Variants in CTNND2 observed in about 807,000 individuals in gnomAD.
CTNND2 encodes catenin delta 2, also known as catenin delta-2.
In CTNND2, 22 loss-of-function variants were observed where a neutral mutation model predicts 144.4. That is an observed-to-expected ratio of 0.15 (90% CI 0.11 to 0.22). CTNND2 has a LOEUF of 0.22. Ranked by LOEUF, CTNND2 falls within the 10% of genes least tolerant of loss-of-function variation. CTNND2 has a pLI of 1.00. For synonymous variants in CTNND2, 751 were observed against 695.6 expected (o/e 1.08, Z -1.25); for missense variants, 1,353 against 1,618.8 (o/e 0.84, Z 2.82).
At chr5:11,307,048 A>C (rs1488973271) in intron 9 of CTNND2, among the ~76,000 whole-genome samples, 2 of 151,368 alleles carry the variant, frequency 1.3e-5, no homozygotes, top group African/African-American at 4.9e-5. Flanking sequence ...TGGCCCCCTG[A>C]GGTGGCCATG....
At chr5:11,444,546 A>C (rs186661650) in intron 3 of CTNND2, among the ~76,000 whole-genome samples, 1 of 152,138 alleles carries the variant, frequency 6.6e-6, no homozygotes, top group Non-Finnish European at 1.5e-5. Context: ...TACTAAAAAT[A>C]CAAAAATTAG....
intron 12 of CTNND2, 140 bp downstream of exon 12, chr5:11,159,436 C>T: frequency 1.6e-6 from 1 of 626,154 alleles, no homozygotes; most frequent in Non-Finnish European, 2.6e-6. Context: ...AAATTAACTT[C>T]TTATACTCCG....
chr5:11,779,408 AACAG>A (rs1440189063), intron 1 of CTNND2, among the ~76,000 whole-genome samples: 3 of 152,232 alleles, frequency 2.0e-5, no homozygotes, highest in Non-Finnish European at 4.4e-5. Flanking sequence ...AACAGGCACA[AACAG>A]ACAAACAGGT....
chr5:11,732,162 C>A lies in CTNND2; in HGVS notation c.148G>T (p.Ala50Ser), dbSNP rs754264435. Residue 50 changes from alanine (A) to serine (S), a missense_variant, in exon 2 of 22, where the codon GCC becomes TCC. Coordinates refer to ENST00000304623, the MANE Select transcript of CTNND2 (RefSeq NM_001332.4). ...TGTTCTTTGACTGAGGCGAGGATGG[C>A]AGAGGTGGTTTCTGTTTCAGAGCCA... is the stretch of plus-strand genomic sequence containing the variant. The part of the protein sequence containing the change: ...GDGSETETTS[A>S]ILASVKEQEL... The A allele has an allele frequency of 4.3e-6, 7 of 1,613,644 alleles. No homozygotes were observed. Among genetic ancestry groups the A allele is most frequent in the Admixed American group, 1.7e-5 (1 of 59,978 alleles).
chr5:11,547,913 C>G (rs1026531717), intron 3 of CTNND2, among the ~76,000 whole-genome samples: 5 of 152,158 alleles, frequency 3.3e-5, no homozygotes, highest in Non-Finnish European at 5.9e-5. Flanking sequence ...ACCACTTGCA[C>G]GCCCACACAA....
chr5:11,156,625 T>C (rs1758242089), intron 12 of CTNND2, among the ~76,000 whole-genome samples: 2 of 152,148 alleles, frequency 1.3e-5, no homozygotes, highest in Non-Finnish European at 2.9e-5. Context: ...GGAAAAACAA[T>C]GTCAACATTA....
intron 9 of CTNND2, among the ~76,000 whole-genome samples, chr5:11,241,995 T>TGG (rs944195191): frequency 3.0e-5 from 4 of 132,278 alleles, no homozygotes; most frequent in African/African-American, 1.2e-4. Flanking sequence ...CTGAAGGGGA[T>TGG]GGGGGCCTCC....
chr5:11,219,639 T>C (rs1452736522), intron 10 of CTNND2, among the ~76,000 whole-genome samples: 2 of 152,060 alleles, frequency 1.3e-5, no homozygotes, highest in Non-Finnish European at 2.9e-5. Context: ...AGAGTCCTTA[T>C]AAGAAGAAAG....
chr5:11,415,290 C>T (rs569775107), intron 3 of CTNND2, among the ~76,000 whole-genome samples: 1 of 152,224 alleles, frequency 6.6e-6, no homozygotes, highest in Admixed American at 6.5e-5. Context: ...CTTTCAAAAT[C>T]AAGTCATGGT....
At chr5:11,130,667 C>G (rs1467570729) in intron 12 of CTNND2, among the ~76,000 whole-genome samples, 1 of 152,166 alleles carries the variant, frequency 6.6e-6, no homozygotes, top group East Asian at 1.9e-4. Flanking sequence ...CACAAACACT[C>G]ACGTGCCGCT....
At chr5:11,107,552 T>C (rs1377225895) in intron 14 of CTNND2, among the ~76,000 whole-genome samples, 2 of 152,212 alleles carry the variant, frequency 1.3e-5, no homozygotes, top group Non-Finnish European at 2.9e-5. Flanking sequence ...ACACCTTCAG[T>C]GCAAAGAATT....
At chr5:11,295,966 A>T (rs1447325392) in intron 9 of CTNND2, among the ~76,000 whole-genome samples, 2 of 152,126 alleles carry the variant, frequency 1.3e-5, no homozygotes, top group Non-Finnish European at 2.9e-5. Context: ...TGGCAACAAA[A>T]GCCAAAATTG....
At chr5:11,551,059 A>G (rs115895360) in intron 3 of CTNND2, among the ~76,000 whole-genome samples, 1,548 of 152,220 alleles carry the variant, frequency 0.01, 10 homozygotes, top group Non-Finnish European at 0.015. Flanking sequence ...TGCACTGTGG[A>G]GCAGCCTCCC....
At chr5:11,479,729 T>G (rs1768070821) in intron 3 of CTNND2, among the ~76,000 whole-genome samples, 1 of 152,154 alleles carries the variant, frequency 6.6e-6, no homozygotes, top group Non-Finnish European at 1.5e-5. Flanking sequence ...GGGGTTTTGA[T>G]TTGCATTTCT....
At chr5:11,293,030 T>C (rs1309172348) in intron 9 of CTNND2, among the ~76,000 whole-genome samples, 2 of 152,248 alleles carry the variant, frequency 1.3e-5, no homozygotes, top group East Asian at 1.9e-4. Flanking sequence ...CTTAGAGTTA[T>C]TTAATGCTCA....
intron 1 of CTNND2, among the ~76,000 whole-genome samples, chr5:11,808,319 A>T (rs1040847904): frequency 6.6e-6 from 1 of 152,178 alleles, no homozygotes; most frequent in East Asian, 1.9e-4. Context: ...CTCCCTCAAG[A>T]GCACAGACAG....
chr5:11,779,721 C>T (rs1385255124), intron 1 of CTNND2, among the ~76,000 whole-genome samples: 3 of 152,182 alleles, frequency 2.0e-5, no homozygotes, highest in East Asian at 3.8e-4. Flanking sequence ...TAACTGCTAC[C>T]TCTTGTGATT....
intron 16 of CTNND2, among the ~76,000 whole-genome samples, chr5:11,028,885 T>A (rs573474331): frequency 6.6e-6 from 1 of 152,304 alleles, no homozygotes; most frequent in South Asian, 2.1e-4. Flanking sequence ...ATTTTTTGTA[T>A]GTTTAGTAGA....
intron 1 of CTNND2, among the ~76,000 whole-genome samples, chr5:11,806,721 G>A (rs1378919941): frequency 6.6e-6 from 1 of 151,978 alleles, no homozygotes; most frequent in Admixed American, 6.6e-5. Flanking sequence ...AATCTAAAAA[G>A]TTAATATATA....
Sources: allele counts gnomAD v4.1 joint callset (sites outside exome capture counted in the v4.1 genomes callset), GRCh38; gene constraint gnomAD v4.1.1; transcripts MANE v1.5; gene names NCBI Gene and HGNC (gene_info 2026-07-23, HGNC 2026-07-21).